The following CFAP99 variants were observed in gnomAD, a reference collection of about 807,000 sequenced individuals.
CFAP99 encodes the protein cilia- and flagella-associated protein 99.
In CFAP99, 84 loss-of-function variants were observed where a neutral mutation model predicts 82.7. The ratio of observed to expected loss-of-function variants is 1.02; its 90% CI spans 0.85 to 1.22. The LOEUF (loss-of-function observed/expected upper bound fraction) is 1.22, where lower values mean the gene tolerates loss of function less well. CFAP99 is among the 50% of genes most tolerant of loss of function. CFAP99 has a pLI of 0.00. For synonymous variants in CFAP99, 456 were observed against 429.5 expected (o/e 1.06, Z -0.76); for missense variants, 1,059 against 983.5 (o/e 1.08, Z -1.03).
chr4:2,456,014 G>A (rs1248840450), intron 11 of CFAP99, among the ~76,000 whole-genome samples: 1 of 152,138 alleles, frequency 6.6e-6, no homozygotes, highest in South Asian at 2.1e-4. Context: ...CTGCTCAAGA[G>A]CCTTTGGAAG....
intron 2 of CFAP99, among the ~76,000 whole-genome samples, chr4:2,433,794 C>T (rs1239336921): frequency 6.6e-6 from 1 of 152,172 alleles, no homozygotes; most frequent in African/African-American, 2.4e-5. Context: ...GCGAGTATGC[C>T]GGGAGGAGTT....
At chr4:2,433,093 T>C (rs879652851) in intron 2 of CFAP99, among the ~76,000 whole-genome samples, 16 of 151,314 alleles carry the variant, frequency 1.1e-4, no homozygotes, top group Admixed American at 8.5e-4. Context: ...CAGCCTGGCG[T>C]GGACTGGGAT....
chr4:2,444,308 C>T (rs188835749), intron 5 of CFAP99, among the ~76,000 whole-genome samples: 5 of 152,286 alleles, frequency 3.3e-5, no homozygotes, highest in South Asian at 2.1e-4. Context: ...CCTCTTCCTG[C>T]GCCACCACCC....
At chr4:2,442,885 TG>T (rs1426803724) in intron 4 of CFAP99, among the ~76,000 whole-genome samples, 11 of 140,502 alleles carry the variant, frequency 7.8e-5, no homozygotes, top group East Asian at 4.1e-4. Context: ...GGGAGCTCAC[TG>T]GGGGTGCTGG....
intron 11 of CFAP99, among the ~76,000 whole-genome samples, chr4:2,455,126 C>T (rs997612795): frequency 6.6e-6 from 1 of 152,236 alleles, no homozygotes; most frequent in South Asian, 2.1e-4. Context: ...TCTCTAACTC[C>T]GGGGCTCAAG....
intron 2 of CFAP99, among the ~76,000 whole-genome samples, chr4:2,430,887 A>T (rs1733786182): frequency 6.6e-6 from 1 of 151,778 alleles, no homozygotes; most frequent in African/African-American, 2.4e-5. Context: ...AGCCTAGGCC[A>T]CACAGTGAGA....
chr4:2,449,523 T>G (rs948663323), intron 6 of CFAP99, 147 bp from the exon 7 acceptor site: 1 of 577,946 alleles, frequency 1.7e-6, no homozygotes, highest in African/African-American at 1.9e-5. Context: ...CCCGGTGGTG[T>G]TAGCTCCAGC....
chr4:2,422,874 A>G (rs1024046893), intron 1 of CFAP99, among the ~76,000 whole-genome samples: 2 of 152,206 alleles, frequency 1.3e-5, no homozygotes, highest in Non-Finnish European at 2.9e-5. Flanking sequence ...TAGCACAGAC[A>G]TAGCCCAAAG....
chr4:2,437,122 C>G (rs899145028), intron 3 of CFAP99, 104 bp downstream of exon 3: 5 of 1,368,434 alleles, frequency 3.7e-6, no homozygotes, highest in Non-Finnish European at 4.9e-6. Flanking sequence ...GGGCCAGCTC[C>G]TCCTTCCTGC....
chr4:2,438,168 A>G lies in CFAP99; in HGVS notation c.351+4A>G, dbSNP rs963697055. 12 of 1,524,784 alleles carry G rather than the reference A, an allele frequency of 7.9e-6. No homozygotes were observed. The highest frequency in any genetic ancestry group is 9.7e-6 in the Non-Finnish European group (11 of 1,136,950). The allele number at this position is 1,524,784 out of a possible 1,614,324, so 94.5% of individuals were successfully genotyped here. ...GCCCGTGGATAAGATGTGCAAGGTG[A>G]GCCACCCCTACCTGCCCACCAGGCC... On this transcript the variant is annotated splice_donor_region_variant and intron_variant, in intron 4 of 14. Coordinates refer to ENST00000635017, the Ensembl canonical transcript of CFAP99.
chr4:2,459,195 C>G, exon 13 of CFAP99: 4 of 1,535,708 alleles, frequency 2.6e-6, no homozygotes, highest in Non-Finnish European at 3.5e-6. Flanking sequence ...GTGAACTCAT[C>G]TCCCAGCTGC....
At chr4:2,444,381 G>T (rs1452215052) in intron 5 of CFAP99, among the ~76,000 whole-genome samples, 1 of 152,206 alleles carries the variant, frequency 6.6e-6, no homozygotes, top group East Asian at 1.9e-4. Context: ...CTCAAGTTGG[G>T]AGCACTGGGG....
chr4:2,458,249 C>T (rs1734481838), intron 11 of CFAP99, among the ~76,000 whole-genome samples: 1 of 152,220 alleles, frequency 6.6e-6, no homozygotes, highest in African/African-American at 2.4e-5. Context: ...CATATTTCTA[C>T]ACAACGTATT....
intron 1 of CFAP99, among the ~76,000 whole-genome samples, chr4:2,420,969 C>T (rs1733572666): frequency 6.6e-6 from 1 of 152,176 alleles, no homozygotes; most frequent in South Asian, 2.1e-4. Context: ...CAACCATGCC[C>T]CAGCTGCCAG....
intron 4 of CFAP99, 43 bp from the exon 5 acceptor site, chr4:2,443,087 G>C: frequency 1.7e-6 from 2 of 1,145,770 alleles, no homozygotes; most frequent in East Asian, 2.6e-5. Flanking sequence ...GTGAGGGGTT[G>C]GGCCCAGGGC....
chr4:2,457,507 A>G (rs983491427), intron 11 of CFAP99, among the ~76,000 whole-genome samples: 2 of 152,180 alleles, frequency 1.3e-5, no homozygotes, highest in African/African-American at 4.8e-5. Flanking sequence ...CCAAGGATGC[A>G]TGTGGCTGCC....
chr4:2,436,357 T>C lies in CFAP99; in HGVS notation c.112-517T>C, dbSNP rs1733906846. On this transcript the variant is annotated intron_variant, in intron 2 of 14. Coordinates refer to ENST00000635017, the Ensembl canonical transcript of CFAP99. ...CATTTGAAAACCTTTATGGGTTCAT[T>C]TGAAAATATTATTGTGGTAAAATAC... Among the ~76,000 whole-genome samples, 2 of 152,216 alleles carry C rather than the reference T, an allele frequency of 1.3e-5. 1 individual carries two copies. Among genetic ancestry groups the C allele is most frequent in the South Asian group, 4.1e-4 (2 of 4,832 alleles).
intron 2 of CFAP99, among the ~76,000 whole-genome samples, chr4:2,432,936 G>A (rs1733827166): frequency 2.0e-5 from 3 of 152,184 alleles, no homozygotes; most frequent in Non-Finnish European, 4.4e-5. Context: ...TGGTCAGAAG[G>A]ACCTGGTCCA....
rs535080824 is a variant in CFAP99, at chr4:2,446,808, G to A, written c.642+1500G>A. On this transcript the variant is annotated intron_variant, in intron 6 of 14. Transcript: ENST00000635017. This position sits in a 1 kb window ranked among gnomAD's most constrained non-coding sequence, Gnocchi z 5.0. ...TTATCAGATGGATGGTAGATGGATG[G>A]GTGGATGAATGGATGGATGGATGGA... Among the ~76,000 whole-genome samples, 3 of 143,806 alleles carry A rather than the reference G, an allele frequency of 2.1e-5. No homozygotes were observed. Among genetic ancestry groups the A allele is most frequent in the Non-Finnish European group, 3.1e-5 (2 of 65,564 alleles). The allele number at this position is 143,806 out of a possible 152,430, so 94.3% of individuals were successfully genotyped here.
Sources: gnomAD v4.1 joint callset for allele counts (sites outside exome capture counted in the v4.1 genomes callset) on GRCh38, gnomAD v4.1.1 for gene constraint, Gnocchi (gnomAD v3.1) non-coding constraint, MANE v1.5 for transcripts, NCBI Gene and HGNC (gene_info 2026-07-23, HGNC 2026-07-21) for gene names.